The following TSHR variants were observed in gnomAD, a reference collection of about 807,000 sequenced individuals.
TSHR encodes the protein thyrotropin receptor.
In TSHR, 51 loss-of-function variants were observed where a neutral mutation model predicts 64.1. The observed-to-expected ratio is 0.80, with a 90% CI of 0.64 to 1.01. The LOEUF (loss-of-function observed/expected upper bound fraction) is 1.01. TSHR is among the 50% of genes least tolerant of loss of function. The pLI, the probability that TSHR is intolerant of heterozygous loss-of-function variation, is 0.00. For missense variants in TSHR, 877 were observed against 942.8 expected, an observed-to-expected ratio of 0.93 and a Z score of 0.91; for synonymous variants, 361 against 361.9, an observed-to-expected ratio of 1.00 and a Z score of 0.03.
At position 80,982,079 on chromosome 14, in the gene TSHR, G is replaced by A. The variant is rs182781764; in HGVS notation, c.170+26229G>A. The A allele has an allele frequency of 1.5e-4, 78 of 505,114 alleles. 1 individual carries two copies. The highest frequency in any genetic ancestry group is 7.3e-4 in the African/African-American group (38 of 51,786). The allele number at this position is 505,114 out of a possible 1,614,324, so 31.3% of individuals were successfully genotyped here. A position where few individuals can be genotyped will look rare whatever the true frequency, so the allele number is the denominator to read the frequency against. ...AAGCTGGAGAAGAGAGGGAGGCTAC[G>A]GGTGTGGTTAGGCCTGTAGCCAATA... On this transcript the variant is annotated intron_variant, in intron 1 of 9. Coordinates refer to ENST00000298171, the MANE Select transcript of TSHR (RefSeq NM_000369.5).
At chr14:81,114,304 A>G (rs10131199) in intron 8 of TSHR, among the ~76,000 whole-genome samples, 10,353 of 152,158 alleles carry the variant, frequency 0.068, 899 homozygotes, top group East Asian at 0.23. Context: ...GACAGTGGGC[A>G]CAGGTCAGTG....
chr14:81,019,921 C>T (rs1002557380), intron 1 of TSHR, among the ~76,000 whole-genome samples: 2 of 152,142 alleles, frequency 1.3e-5, no homozygotes, highest in Non-Finnish European at 2.9e-5. Flanking sequence ...AATAAACATA[C>T]ATGTGCATGT....
At position 81,116,055 on chromosome 14, in the gene TSHR, G is replaced by A. The variant is rs1447361634; in HGVS notation, c.692+7603G>A. Among the ~76,000 whole-genome samples, 20 of 152,034 alleles carry A rather than the reference G, an allele frequency of 1.3e-4. 1 individual carries two copies. The East Asian group carries it at 2.5e-3, about 19-fold the overall frequency. ...GCGCTAAACATGGAAAGGAACAACCGGTACCAGCCGCTGCAAAATCATGCC... is the reference window on the plus strand; with the variant it reads ...GCGCTAAACATGGAAAGGAACAACCAGTACCAGCCGCTGCAAAATCATGCC... On this transcript the variant is annotated intron_variant, in intron 8 of 9. Coordinates refer to ENST00000298171, the MANE Select transcript of TSHR (RefSeq NM_000369.5).
chr14:80,987,456 A>G (rs2139733936), intron 1 of TSHR, among the ~76,000 whole-genome samples: 1 of 152,336 alleles, frequency 6.6e-6, no homozygotes, highest in Non-Finnish European at 1.5e-5. Context: ...TTAAGCATTA[A>G]TTATGTTTTA....
Position 81,146,240 on chromosome 14 carries a change from G to GA in TSHR, c.*1889dup, listed in dbSNP as rs1891921514. On this transcript the variant is annotated 3_prime_UTR_variant, in exon 10 of 10. Coordinates refer to ENST00000298171, the MANE Select transcript of TSHR (RefSeq NM_000369.5). ...GAGTCCTAGAAAAGTGACTTCAACA[G>GA]AATTGTTACTAAAATTTGCACTCAC... is the stretch of plus-strand genomic sequence containing the variant. The GA allele has an allele frequency of 4.8e-6, 1 of 209,810 alleles. No individual in the cohort carries two copies. Among genetic ancestry groups the GA allele is most frequent in the Non-Finnish European group, 9.7e-6 (1 of 103,286 alleles). 13.0% of individuals were successfully genotyped at this position (209,810 alleles called of 1,614,324 possible).
At chr14:81,109,075 T>C (rs2080305) in intron 8 of TSHR, 523,256 of 977,942 alleles carry the variant, frequency 0.54, 148,180 homozygotes, top group Non-Finnish European at 0.58. Flanking sequence ...TTTGCCTCAG[T>C]TTAGAATCTC....
In TSHR at chr14:81,078,208, G is replaced by A. The variant is rs116913512; in HGVS notation, c.318-9746G>A. On this transcript the variant is annotated intron_variant, in intron 3 of 9. Transcript: ENST00000298171. Reference sequence around the variant, plus strand: ...CAAAAAACTTTTAGTATTTCACTGTGGTTCTACTGGCAGCAAATTTTCTGA... The same window carrying A: ...CAAAAAACTTTTAGTATTTCACTGTAGTTCTACTGGCAGCAAATTTTCTGA... Among the ~76,000 whole-genome samples the A allele has an allele frequency of 3.9e-4, 59 of 152,170 alleles. No individual in the cohort carries two copies. In the East Asian group the frequency reaches 0.011, roughly 28 times the overall value.
At chr14:81,096,831 A>C in intron 7 of TSHR, 124 bp downstream of exon 7, 1 of 1,103,042 alleles carries the variant, frequency 9.1e-7, no homozygotes, top group South Asian at 1.3e-5. Context: ...TAGTGTGACC[A>C]ACATGGAAAT....
intron 8 of TSHR, among the ~76,000 whole-genome samples, chr14:81,121,716 C>T (rs922623878): frequency 7.2e-5 from 11 of 152,102 alleles, no homozygotes; most frequent in Admixed American, 5.2e-4. Context: ...CAGAAGCAGG[C>T]GGATCACTTG....
At chr14:81,139,917 G>C (rs4277281) in intron 9 of TSHR, 50 bp downstream of exon 9, 1 of 1,606,762 alleles carries the variant, frequency 6.2e-7, no homozygotes, top group Non-Finnish European at 8.5e-7. Flanking sequence ...GGTGGAAGTG[G>C]AATTCATTTC....
intron 1 of TSHR, among the ~76,000 whole-genome samples, chr14:80,956,683 A>T (rs1208038101): frequency 4.8e-5 from 2 of 41,360 alleles, no homozygotes; most frequent in Admixed American, 2.1e-4. Context: ...CAGTTAAGAT[A>T]AAAAAAAATG....
chr14:81,021,595 G>A (rs955941572), intron 1 of TSHR, among the ~76,000 whole-genome samples: 2 of 152,172 alleles, frequency 1.3e-5, no homozygotes, highest in African/African-American at 4.8e-5. Context: ...TACATGGTAG[G>A]TTTGTTGTTA....
At chr14:80,986,630 G>T (rs1888466108) in intron 1 of TSHR, among the ~76,000 whole-genome samples, 1 of 152,194 alleles carries the variant, frequency 6.6e-6, no homozygotes, top group Admixed American at 6.5e-5. Flanking sequence ...GAGATTACAG[G>T]CGCCCACCAC....
chr14:81,086,022 A>G (rs774322878), intron 3 of TSHR, among the ~76,000 whole-genome samples: 8 of 152,244 alleles, frequency 5.3e-5, no homozygotes, highest in African/African-American at 9.6e-5. Context: ...GAAAGATTGT[A>G]TAAAGAGGAT....
At chr14:80,962,252 G>T (rs750456362) in intron 1 of TSHR, among the ~76,000 whole-genome samples, 1 of 152,204 alleles carries the variant, frequency 6.6e-6, no homozygotes, top group Admixed American at 6.5e-5. Context: ...ACATGTTAAA[G>T]ATTTTAATGA....
At chr14:81,105,541 C>T (rs538351881) in intron 7 of TSHR, among the ~76,000 whole-genome samples, 77 of 152,310 alleles carry the variant, frequency 5.1e-4, no homozygotes, top group African/African-American at 1.8e-3. Context: ...GGCCAGGGCT[C>T]CTCTGCATCC....
At chr14:81,045,211 G>T (rs1222541335) in intron 1 of TSHR, among the ~76,000 whole-genome samples, 5 of 151,994 alleles carry the variant, frequency 3.3e-5, no homozygotes, top group African/African-American at 9.7e-5. Context: ...AAAAGAGCTG[G>T]GCTTATGTCC....
chr14:80,996,198 C>G (rs972757308), intron 1 of TSHR, among the ~76,000 whole-genome samples: 1 of 151,990 alleles, frequency 6.6e-6, no homozygotes, highest in Non-Finnish European at 1.5e-5. Context: ...ATGCATGAGC[C>G]GTAACCGGAT....
chr14:81,068,163 C>A, intron 2 of TSHR, 91 bp from the exon 3 acceptor site: 2 of 1,174,142 alleles, frequency 1.7e-6, no homozygotes, highest in Non-Finnish European at 2.5e-6. Flanking sequence ...ATCTGGGAAG[C>A]GCATAACAAA....
Sources: allele counts gnomAD v4.1 joint callset (sites outside exome capture counted in the v4.1 genomes callset), GRCh38; gene constraint gnomAD v4.1.1; transcripts MANE v1.5; gene names NCBI Gene and HGNC (gene_info 2026-07-23, HGNC 2026-07-21).